GINS1: variants seen among roughly 807,000 people sequenced by gnomAD.
The protein encoded by GINS1 is GINS complex subunit 1, also known as DNA replication complex GINS protein PSF1.
A neutral mutation model predicts 34.9 loss-of-function variants in GINS1; 26 were observed. The ratio of observed to expected loss-of-function variants is 0.74; its 90% confidence interval spans 0.55 to 1.03. The LOEUF (loss-of-function observed/expected upper bound fraction) is 1.03, where lower values mean the gene tolerates loss of function less well. Ranked by LOEUF, GINS1 falls within the 50% of genes least tolerant of loss-of-function variation. GINS1 has a pLI of 0.00. For missense variants in GINS1, 235 were observed against 237.9 expected, an observed-to-expected ratio of 0.99 and a Z score of 0.08; for synonymous variants, 97 against 84.4, an observed-to-expected ratio of 1.15 and a Z score of -0.82.
At position 25,441,774 on chromosome 20, in the gene GINS1, C is replaced by T. The variant is rs1192474884; in HGVS notation, c.520C>T (p.Gln174Ter). ...GTSVLLKKNSQHFLPRWKCEQ... is the reference protein window; with the variant it reads ...GTSVLLKKNS ...TTCAGTCCTATTAAAAAAAAATAGC[C>T]AGGTATTTCTTATCTTCAGATTCTT... Residue 174 changes from glutamine to a stop codon, truncating the protein, a stop_gained and splice_region_variant, in exon 6 of 7, where the codon CAG becomes TAG. Coordinates refer to ENST00000262460, the MANE Select transcript of GINS1 (RefSeq NM_021067.5). LOFTEE classifies it high-confidence loss of function. 3 of 1,473,366 alleles carry T rather than the reference C, an allele frequency of 2.0e-6. No homozygotes were observed. Among genetic ancestry groups the T allele is most frequent in the Non-Finnish European group, 2.8e-6 (3 of 1,061,360 alleles). 91.3% of individuals were successfully genotyped at this position (1,473,366 alleles called of 1,614,324 possible).
intron 1 of GINS1, among the ~76,000 whole-genome samples, chr20:25,408,143 C>T (rs1438633503): frequency 6.6e-6 from 1 of 152,218 alleles, no homozygotes; most frequent in Non-Finnish European, 1.5e-5. Flanking sequence ...AGATTTGTTC[C>T]GGTCCCTTAA....
At chr20:25,418,578 G>C (rs1568800232) in intron 4 of GINS1, among the ~76,000 whole-genome samples, 1 of 152,170 alleles carries the variant, frequency 6.6e-6, no homozygotes, top group South Asian at 2.1e-4. Flanking sequence ...TAAGGACATA[G>C]GATTGGAGTC....
intron 4 of GINS1, among the ~76,000 whole-genome samples, chr20:25,421,837 CTT>C (rs1013923262): frequency 3.9e-5 from 6 of 152,250 alleles, no homozygotes; most frequent in African/African-American, 1.4e-4. Flanking sequence ...TTCATCTTCT[CTT>C]TGGGGTCTGT....
chr20:25,412,055 C>G (rs2090289120), intron 1 of GINS1, among the ~76,000 whole-genome samples: 1 of 152,008 alleles, frequency 6.6e-6, no homozygotes. Flanking sequence ...TTGCAGTGAG[C>G]TGAGATCGCA....
chr20:25,436,313 G>T (rs1192341737), intron 5 of GINS1, among the ~76,000 whole-genome samples: 1 of 152,120 alleles, frequency 6.6e-6, no homozygotes, highest in Non-Finnish European at 1.5e-5. Context: ...GTGTCTCATT[G>T]CGAGTCTGAG....
intron 4 of GINS1, 138 bp downstream of exon 4, chr20:25,418,333 T>C (rs1388532217): frequency 1.6e-6 from 1 of 643,058 alleles, no homozygotes; most frequent in African/African-American, 1.8e-5. Context: ...ATTTAGTATA[T>C]AATGTGAGGG....
chr20:25,445,282 A>G (rs1405412386), intron 6 of GINS1, among the ~76,000 whole-genome samples: 1 of 151,974 alleles, frequency 6.6e-6, no homozygotes, highest in Non-Finnish European at 1.5e-5. Flanking sequence ...CCCAGGTTCA[A>G]GTGATTCTCC....
At chr20:25,408,870 G>A (rs929049134) in intron 1 of GINS1, 7 of 969,740 alleles carry the variant, frequency 7.2e-6, no homozygotes, top group Non-Finnish European at 8.6e-6. Flanking sequence ...TTTCACTTAC[G>A]TCATAGAGCA....
chr20:25,428,978 T>C (rs1438170545), intron 5 of GINS1, among the ~76,000 whole-genome samples: 297 of 3,322 alleles, frequency 0.089, 6 homozygotes, highest in African/African-American at 0.26. Context: ...TCTTTTTTTT[T>C]TTTTTTTTTT....
chr20:25,408,965 A>G, intron 1 of GINS1: 1 of 983,592 alleles, frequency 1.0e-6, no homozygotes, highest in Non-Finnish European at 1.2e-6. Context: ...AGTGATACTA[A>G]GGAGGTATAG....
chr20:25,432,307 C>T (rs2090431502), intron 5 of GINS1, among the ~76,000 whole-genome samples: 1 of 151,510 alleles, frequency 6.6e-6, no homozygotes, highest in South Asian at 2.1e-4. Flanking sequence ...TTCAAAATTT[C>T]CTTTCTTTCT....
intron 5 of GINS1, among the ~76,000 whole-genome samples, chr20:25,438,003 C>T (rs895864377): frequency 2.0e-4 from 30 of 151,592 alleles, no homozygotes; most frequent in Admixed American, 1.2e-3. Context: ...CCCGTAATCC[C>T]ATCTACTCAG....
intron 1 of GINS1, chr20:25,411,427 T>G (rs2090284345): frequency 6.6e-6 from 1 of 152,190 alleles, no homozygotes; most frequent in Non-Finnish European, 1.5e-5. Flanking sequence ...ACACATATAT[T>G]TTGGCCCTAA....
At chr20:25,412,506 G>A (rs550118682) in intron 1 of GINS1, among the ~76,000 whole-genome samples, 1 of 152,104 alleles carries the variant, frequency 6.6e-6, no homozygotes, top group Admixed American at 6.5e-5. Context: ...AGTGAGCCGA[G>A]ATTGCACCAT....
intron 5 of GINS1, 42 bp downstream of exon 5, chr20:25,425,369 A>T (rs779108407): frequency 3.7e-6 from 3 of 807,844 alleles, no homozygotes; most frequent in East Asian, 4.9e-5. Context: ...TTAATGTGTA[A>T]ATTGTGCTAC....
intron 5 of GINS1, among the ~76,000 whole-genome samples, chr20:25,426,622 T>C (rs1456703232): frequency 1.3e-5 from 2 of 151,638 alleles, no homozygotes; most frequent in Non-Finnish European, 2.9e-5. Flanking sequence ...GCCTCCTGGG[T>C]TCAAGTGATT....
intron 5 of GINS1, among the ~76,000 whole-genome samples, chr20:25,440,991 C>G (rs570005109): frequency 6.6e-6 from 1 of 152,058 alleles, no homozygotes; most frequent in African/African-American, 2.4e-5. Context: ...TCGTTGCTGG[C>G]GTTGACTCTC....
chr20:25,425,184 G>A (rs756630869), intron 4 of GINS1, 27 bp from the exon 5 acceptor site: 1 of 969,028 alleles, frequency 1.0e-6, no homozygotes, highest in African/African-American at 1.6e-5. Flanking sequence ...TTAGAATTTT[G>A]TCAAATGATC....
intron 1 of GINS1, among the ~76,000 whole-genome samples, chr20:25,408,283 T>G (rs1410303563): frequency 6.6e-6 from 1 of 152,194 alleles, no homozygotes; most frequent in Non-Finnish European, 1.5e-5. Flanking sequence ...GGGCAGTTAC[T>G]CAAGCTTTCT....
Sources: gnomAD v4.1 joint callset for allele counts (sites outside exome capture counted in the v4.1 genomes callset) on GRCh38, gnomAD v4.1.1 for gene constraint, MANE v1.5 for transcripts, NCBI Gene and HGNC (gene_info 2026-07-23, HGNC 2026-07-21) for gene names.